The following INPP4B variants were observed in gnomAD, a reference collection of about 807,000 sequenced individuals.
INPP4B encodes the protein inositol polyphosphate 4-phosphatase type II.
Under a neutral mutation model 122.5 loss-of-function variants are expected in INPP4B, and 55 were observed. The ratio of observed to expected loss-of-function variants is 0.45; its 90% CI spans 0.36 to 0.56. The LOEUF is 0.56. Among genes scored for constraint, INPP4B ranks in the 20% least tolerant of loss-of-function variants. The pLI is 0.00. For synonymous variants in INPP4B, 403 were observed against 388.7 expected (o/e 1.04, Z -0.43); for missense variants, 1,000 against 1,097.7 (o/e 0.91, Z 1.26).
At chr4:142,422,385 T>C (rs1347683444) in intron 5 of INPP4B, among the ~76,000 whole-genome samples, 1 of 152,052 alleles carries the variant, frequency 6.6e-6, no homozygotes, top group East Asian at 1.9e-4. Flanking sequence ...CCATAATAGA[T>C]GCTGAAAAAA....
In INPP4B at chr4:142,028,804, G is replaced by T. The variant is rs751665731; in HGVS notation, c.2753C>A (p.Thr918Asn). Residue 918 changes from threonine (T) to asparagine (N), a missense_variant, in exon 26 of 26, where the codon ACT becomes AAT. Transcript: ENST00000262992. ...AACTTAGGTGTCAGCTTTTCCATAA[G>T]TCCCCTCTGGAGGTCTGTAGTACTT... is the stretch of plus-strand genomic sequence containing the variant. The part of the protein sequence containing the change: ...FPKYYRPPEG[T>N]YGKADT 2 of 1,610,964 alleles carry T rather than the reference G, an allele frequency of 1.2e-6. No individual in the cohort carries two copies. Among genetic ancestry groups the T allele is most frequent in the South Asian group, 2.2e-5 (2 of 90,288 alleles).
intron 15 of INPP4B, among the ~76,000 whole-genome samples, chr4:142,191,298 C>T (rs536388792): frequency 6.6e-6 from 1 of 152,098 alleles, no homozygotes; most frequent in Non-Finnish European, 1.5e-5. Context: ...CAGCAAAGCA[C>T]CAACAAAAAA....
chr4:142,297,287 C>G lies in INPP4B; in HGVS notation c.503+8171G>C, dbSNP rs186431704. On this transcript the variant is annotated intron_variant, in intron 9 of 25. Coordinates refer to ENST00000262992, the MANE Select transcript of INPP4B (RefSeq NM_001101669.3). The stretch of plus-strand genomic sequence containing the variant: ...GAATTTAGGTTTCAGGTAAGCACGC[C>G]TTCCTTGGATAATAGAAATGTTATA... Among the ~76,000 whole-genome samples the G allele has an allele frequency of 5.6e-3, 857 of 152,300 alleles. 8 individuals carry two copies. The highest frequency in any genetic ancestry group is 0.02 in the African/African-American group (829 of 41,568).
chr4:142,597,237 G>C (rs1014561121), intron 2 of INPP4B, among the ~76,000 whole-genome samples: 2 of 152,172 alleles, frequency 1.3e-5, no homozygotes, highest in African/African-American at 4.8e-5. Context: ...TTCAAATGAA[G>C]AAGGTTCTGA....
intron 11 of INPP4B, among the ~76,000 whole-genome samples, chr4:142,248,977 C>T (rs2150156690): frequency 6.6e-6 from 1 of 151,658 alleles, no homozygotes; most frequent in East Asian, 1.9e-4. Context: ...GTTCCTTCCT[C>T]CTAAGTAGCT....
chr4:142,412,507 A>G (rs1804834174), intron 5 of INPP4B, among the ~76,000 whole-genome samples: 1 of 152,188 alleles, frequency 6.6e-6, no homozygotes, highest in South Asian at 2.1e-4. Flanking sequence ...TAGTAAAATG[A>G]CAGAATGTAC....
At chr4:142,590,506 A>T (rs957361299) in intron 2 of INPP4B, among the ~76,000 whole-genome samples, 1 of 152,158 alleles carries the variant, frequency 6.6e-6, no homozygotes, top group African/African-American at 2.4e-5. Flanking sequence ...TCCAATACTG[A>T]TACATGTGTA....
intron 17 of INPP4B, among the ~76,000 whole-genome samples, chr4:142,159,261 G>A (rs79962380): frequency 2.0e-5 from 3 of 147,712 alleles, no homozygotes; most frequent in Non-Finnish European, 1.5e-5. Context: ...TTGGAACTGT[G>A]AAAAAAAAAA....
At chr4:142,150,970 T>C (rs971274566) in intron 17 of INPP4B, among the ~76,000 whole-genome samples, 1 of 152,202 alleles carries the variant, frequency 6.6e-6, no homozygotes, top group Admixed American at 6.5e-5. Flanking sequence ...GCCTGATGTA[T>C]CTGTATTTCC....
chr4:142,556,457 G>C (rs1212170774), intron 2 of INPP4B, among the ~76,000 whole-genome samples: 1 of 152,166 alleles, frequency 6.6e-6, no homozygotes, highest in Non-Finnish European at 1.5e-5. Flanking sequence ...AGAAGAAAAG[G>C]AAGTTTGGGG....
intron 7 of INPP4B, among the ~76,000 whole-genome samples, chr4:142,389,233 G>A (rs560916450): frequency 1.8e-4 from 26 of 144,446 alleles, no homozygotes; most frequent in African/African-American, 6.5e-4. Flanking sequence ...CTGTGTGACA[G>A]AGCAAGACTC....
intron 2 of INPP4B, among the ~76,000 whole-genome samples, chr4:142,488,552 G>A (rs1395521656): frequency 6.6e-6 from 1 of 151,968 alleles, no homozygotes; most frequent in African/African-American, 2.4e-5. Context: ...AATGTAATTT[G>A]TTTACCAGTT....
intron 1 of INPP4B, among the ~76,000 whole-genome samples, chr4:142,830,514 G>A (rs536731703): frequency 6.6e-6 from 1 of 152,196 alleles, no homozygotes; most frequent in African/African-American, 2.4e-5. Flanking sequence ...AATATGGAGT[G>A]GAGAGGGAGT....
intron 1 of INPP4B, among the ~76,000 whole-genome samples, chr4:142,735,028 A>C (rs1766654755): frequency 6.6e-6 from 1 of 152,170 alleles, no homozygotes; most frequent in Admixed American, 6.5e-5. Context: ...CTTCATTAGC[A>C]CTACAGGTGT....
At chr4:142,381,970 GT>G (rs1274181390) in intron 7 of INPP4B, among the ~76,000 whole-genome samples, 2 of 151,852 alleles carry the variant, frequency 1.3e-5, no homozygotes, top group Admixed American at 1.3e-4. Context: ...GCCTGATCAG[GT>G]AAGTCTTACT....
chr4:142,260,388 T>C (rs1409122239), intron 11 of INPP4B, 104 bp downstream of exon 11: 8 of 751,386 alleles, frequency 1.1e-5, no homozygotes, highest in Non-Finnish European at 1.9e-5. Context: ...GTGTATTTAC[T>C]AAGCTTCACA....
chr4:142,474,080 C>A (rs765639592), intron 2 of INPP4B: 12 of 152,314 alleles, frequency 7.9e-5, no homozygotes, highest in Non-Finnish European at 1.6e-4. Flanking sequence ...GCCAGGTGGG[C>A]AACACTTGCT....
At chr4:142,601,581 C>CAAAAAAAAAA (rs200657551) in intron 2 of INPP4B, among the ~76,000 whole-genome samples, 1 of 93,922 alleles carries the variant, frequency 1.1e-5, no homozygotes, top group Non-Finnish European at 2.2e-5. Flanking sequence ...ACTCCTATGT[C>CAAAAAAAAAA]AAAAAAAAAA....
At chr4:142,305,121 A>C (rs934413180) in intron 9 of INPP4B, among the ~76,000 whole-genome samples, 7 of 152,188 alleles carry the variant, frequency 4.6e-5, no homozygotes, top group Admixed American at 3.3e-4. Context: ...TATTTGATTA[A>C]AAAGTAACAT....
Sources: gnomAD v4.1 joint callset for allele counts (sites outside exome capture counted in the v4.1 genomes callset) on GRCh38, gnomAD v4.1.1 for gene constraint, MANE v1.5 for transcripts, NCBI Gene and HGNC (gene_info 2026-07-23, HGNC 2026-07-21) for gene names.